The following GALNT13 variants were observed in gnomAD, a reference collection of about 807,000 sequenced individuals.
The protein encoded by GALNT13 is polypeptide N-acetylgalactosaminyltransferase 13, also known as UDP-GalNAc:polypeptide N-acetylgalactosaminyltransferase 13.
A neutral mutation model predicts 64.2 loss-of-function variants in GALNT13; 28 were observed. That is an observed-to-expected ratio of 0.44 (90% confidence interval 0.32 to 0.60). The LOEUF (loss-of-function observed/expected upper bound fraction) is 0.60, where lower values mean the gene tolerates loss of function less well. Among genes scored for constraint, GALNT13 ranks in the 20% least tolerant of loss-of-function variants. The pLI is 0.05. For synonymous variants in GALNT13, 214 were observed against 224.6 expected (o/e 0.95, Z 0.42); for missense variants, 577 against 669.8 (o/e 0.86, Z 1.53).
the GALNT13 span, among the ~76,000 whole-genome samples, chr2:153,088,825 C>A: frequency 6.6e-6 from 1 of 152,062 alleles, no homozygotes; most frequent in Admixed American, 6.6e-5. Flanking sequence ...TGTGGAATAT[C>A]TTTTACCACC....
intron 3 of GALNT13, among the ~76,000 whole-genome samples, chr2:153,973,597 T>G (rs1370512388): frequency 1.3e-5 from 2 of 152,018 alleles, no homozygotes; most frequent in Non-Finnish European, 2.9e-5. Flanking sequence ...TTTTCTTTTT[T>G]TCTTTTTTTT....
chr2:153,495,723 AAC>A, the GALNT13 span, among the ~76,000 whole-genome samples: 2 of 152,044 alleles, frequency 1.3e-5, no homozygotes, highest in Non-Finnish European at 2.9e-5. Flanking sequence ...ATCATATCAA[AAC>A]ACAGAACAAT....
At chr2:154,221,522 C>T (rs1256430056) in intron 4 of GALNT13, among the ~76,000 whole-genome samples, 1 of 152,016 alleles carries the variant, frequency 6.6e-6, no homozygotes, top group Non-Finnish European at 1.5e-5. Flanking sequence ...ACTAATGTAA[C>T]ATTTGAGATC....
chr2:153,513,833 A>C, the GALNT13 span, among the ~76,000 whole-genome samples: 1 of 152,154 alleles, frequency 6.6e-6, no homozygotes, highest in African/African-American at 2.4e-5. Context: ...AAATATAACT[A>C]AGCCTCCAGC....
intron 2 of GALNT13, among the ~76,000 whole-genome samples, chr2:153,915,339 G>A (rs1222414236): frequency 6.6e-6 from 1 of 152,090 alleles, no homozygotes; most frequent in Non-Finnish European, 1.5e-5. Flanking sequence ...CTCTACTCTG[G>A]ACTGAATCTT....
the GALNT13 span, among the ~76,000 whole-genome samples, chr2:153,782,663 A>G: frequency 2.0e-5 from 3 of 152,176 alleles, no homozygotes; most frequent in Non-Finnish European, 4.4e-5. Flanking sequence ...AAGAGAAGAC[A>G]ATGTGAAGGT....
rs1449367191 is a variant in GALNT13 at position 153,944,329 on chromosome 2, A to G, written c.-104-65A>G. On this transcript the variant is annotated intron_variant, in intron 2 of 12. Coordinates refer to ENST00000392825, the MANE Select transcript of GALNT13 (RefSeq NM_052917.4). ...TTAAATAAGTCATACATTTCATGTT[A>G]TATGTTCTTTATCCAAAAATCTATG... 5.3e-6 allele frequency: 3 copies of G among 563,200 alleles called. No homozygotes were observed. In the East Asian group the frequency reaches 8.6e-5, roughly 16 times the overall value. The allele number at this position is 563,200 out of a possible 1,614,324, so 34.9% of individuals were successfully genotyped here. A position where few individuals can be genotyped will look rare whatever the true frequency, so the allele number is the denominator to read the frequency against.
intron 3 of GALNT13, among the ~76,000 whole-genome samples, chr2:154,010,012 G>A (rs192812012): frequency 6.6e-5 from 10 of 152,208 alleles, no homozygotes; most frequent in Admixed American, 3.9e-4. Flanking sequence ...TTGATTTTGT[G>A]TCCTGAAATT....
At chr2:153,708,107 G>A in the GALNT13 span, among the ~76,000 whole-genome samples, 1 of 151,634 alleles carries the variant, frequency 6.6e-6, no homozygotes, top group East Asian at 1.9e-4. Flanking sequence ...TTTTATTTCC[G>A]TCACCAATTT....
intron 4 of GALNT13, among the ~76,000 whole-genome samples, chr2:154,149,065 A>C: frequency 6.6e-6 from 1 of 152,152 alleles, no homozygotes; most frequent in Non-Finnish European, 1.5e-5. Context: ...TTTTAGGTCT[A>C]AAGTTTAAGT....
At chr2:154,432,804 A>G (rs1358802175) in intron 11 of GALNT13, among the ~76,000 whole-genome samples, 2 of 152,192 alleles carry the variant, frequency 1.3e-5, no homozygotes, top group African/African-American at 4.8e-5. Context: ...CTTCATCATG[A>G]GGACTATCTC....
intron 2 of GALNT13, among the ~76,000 whole-genome samples, chr2:153,915,586 A>C (rs1481293098): frequency 6.6e-6 from 1 of 152,060 alleles, no homozygotes; most frequent in African/African-American, 2.4e-5. Context: ...AATTTTGTTC[A>C]TCTCTTTGCC....
intron 3 of GALNT13, among the ~76,000 whole-genome samples, chr2:154,017,077 C>T (rs1311033001): frequency 6.6e-6 from 1 of 152,030 alleles, no homozygotes; most frequent in Non-Finnish European, 1.5e-5. Flanking sequence ...CAATGAGGAA[C>T]CCACAATCTT....
At chr2:153,864,403 G>A in the GALNT13 span, among the ~76,000 whole-genome samples, 4 of 152,138 alleles carry the variant, frequency 2.6e-5, no homozygotes, top group African/African-American at 9.7e-5. Flanking sequence ...TTGGATTTAG[G>A]TATTTTATTC....
the GALNT13 span, among the ~76,000 whole-genome samples, chr2:153,542,311 A>T: frequency 6.6e-6 from 1 of 151,036 alleles, no homozygotes; most frequent in African/African-American, 2.4e-5. Flanking sequence ...TAAGAGCAAA[A>T]CTCCATCTCA....
chr2:153,651,742 T>C, the GALNT13 span, among the ~76,000 whole-genome samples: 1 of 152,136 alleles, frequency 6.6e-6, no homozygotes, highest in Admixed American at 6.6e-5. Context: ...TGGTGATGTG[T>C]TAGGAATGTA....
At chr2:154,307,284 A>G (rs1693791442) in intron 9 of GALNT13, among the ~76,000 whole-genome samples, 1 of 152,208 alleles carries the variant, frequency 6.6e-6, no homozygotes, top group Admixed American at 6.5e-5. Flanking sequence ...CAGGCACAAT[A>G]AAAGCAGACA....
At chr2:153,912,633 T>G (rs766403784) in intron 2 of GALNT13, among the ~76,000 whole-genome samples, 14 of 152,040 alleles carry the variant, frequency 9.2e-5, no homozygotes, top group Non-Finnish European at 2.1e-4. Context: ...TGGTATAAGG[T>G]GTATTCAGTC....
the GALNT13 span, among the ~76,000 whole-genome samples, chr2:153,368,191 G>A: frequency 5.9e-5 from 9 of 152,068 alleles, no homozygotes; most frequent in East Asian, 7.7e-4. Flanking sequence ...GTTGAAACTC[G>A]AATCCTCAAA....
Sources: gnomAD v4.1 joint callset for allele counts (sites outside exome capture counted in the v4.1 genomes callset) on GRCh38, gnomAD v4.1.1 for gene constraint, MANE v1.5 for transcripts, NCBI Gene and HGNC (gene_info 2026-07-23, HGNC 2026-07-21) for gene names.